APP: variants seen among roughly 807,000 people sequenced by gnomAD.
APP encodes the protein amyloid-beta precursor protein.
A neutral mutation model predicts 101.4 loss-of-function variants in APP; 31 were observed. The ratio of observed to expected loss-of-function variants is 0.31; its 90% CI spans 0.23 to 0.41. APP has a LOEUF of 0.41. Ranked by LOEUF, APP falls within the 10% of genes least tolerant of loss-of-function variation. The pLI is 1.00. For synonymous variants in APP, 366 were observed against 364.4 expected (o/e 1.00, Z -0.05); for missense variants, 839 against 1,003.7 (o/e 0.84, Z 2.22).
At chr21:26,020,563 A>C (rs2044292936) in intron 6 of APP, among the ~76,000 whole-genome samples, 2 of 152,204 alleles carry the variant, frequency 1.3e-5, no homozygotes, top group Non-Finnish European at 2.9e-5. Flanking sequence ...GAAATCATTA[A>C]ACTTTAGCAA....
intron 6 of APP, among the ~76,000 whole-genome samples, chr21:26,019,819 T>TA (rs1210630564): frequency 7.9e-5 from 12 of 152,256 alleles, no homozygotes; most frequent in Non-Finnish European, 1.6e-4. Flanking sequence ...CCTTCCCTGC[T>TA]ACAGGCATCA....
chr21:26,163,065 T>TA (rs140862192), intron 1 of APP, among the ~76,000 whole-genome samples: 46,345 of 123,210 alleles, frequency 0.38, 8,586 homozygotes, highest in African/African-American at 0.52. Context: ...CTGTCTCTAC[T>TA]AAAAAAAAAA....
intron 5 of APP, among the ~76,000 whole-genome samples, chr21:26,023,162 T>C (rs932697825): frequency 1.3e-5 from 2 of 152,202 alleles, no homozygotes; most frequent in Non-Finnish European, 2.9e-5. Flanking sequence ...TTATGTTTTG[T>C]AGAAAACCAA....
intron 2 of APP, among the ~76,000 whole-genome samples, chr21:26,106,691 C>G (rs1443946088): frequency 1.3e-5 from 2 of 152,204 alleles, no homozygotes; most frequent in Non-Finnish European, 2.9e-5. Context: ...GGATGGGTAT[C>G]AGTCCTTCCC....
At chr21:26,106,865 A>T (rs1199239391) in intron 2 of APP, among the ~76,000 whole-genome samples, 1 of 152,196 alleles carries the variant, frequency 6.6e-6, no homozygotes, top group Non-Finnish European at 1.5e-5. Flanking sequence ...TTTTTCCTGC[A>T]ATGGACTACA....
intron 6 of APP, among the ~76,000 whole-genome samples, chr21:26,021,042 A>G (rs1192815489): frequency 7.1e-6 from 1 of 141,028 alleles, no homozygotes; most frequent in Non-Finnish European, 1.5e-5. Flanking sequence ...GATACTCACC[A>G]AATCTTTTTT....
chr21:26,103,399 A>G (rs1380548535), intron 2 of APP, among the ~76,000 whole-genome samples: 1 of 152,108 alleles, frequency 6.6e-6, no homozygotes, highest in Non-Finnish European at 1.5e-5. Flanking sequence ...ACTAGAGTTC[A>G]AGACCAGCCT....
At chr21:25,925,340 C>A (rs551042505) in intron 13 of APP, among the ~76,000 whole-genome samples, 1 of 152,318 alleles carries the variant, frequency 6.6e-6, no homozygotes, top group South Asian at 2.1e-4. Context: ...CCCCAAGGCT[C>A]GGGTTCGTCA....
At chr21:26,163,957 T>C (rs1415563004) in intron 1 of APP, among the ~76,000 whole-genome samples, 1 of 152,210 alleles carries the variant, frequency 6.6e-6, no homozygotes, top group Non-Finnish European at 1.5e-5. Context: ...ACAAATTCAC[T>C]TTACTGCAGC....
chr21:25,987,364 G>A (rs1202430152), intron 8 of APP, among the ~76,000 whole-genome samples: 2 of 152,164 alleles, frequency 1.3e-5, no homozygotes, highest in Admixed American at 6.5e-5. Flanking sequence ...ACAAAACACA[G>A]GGTTCAATAT....
At position 25,910,418 on chromosome 21, in the gene APP, C is replaced by T. The variant is rs754333823; in HGVS notation, c.1909+1323G>A. On this transcript the variant is annotated intron_variant, in intron 14 of 17. Transcript: ENST00000346798. Reference sequence around the variant, plus strand: ...GTCCTGCGATTACAGGCGTGACCCACGATGCCTGGCCTATAAGGTATATTA... The same window carrying T: ...GTCCTGCGATTACAGGCGTGACCCATGATGCCTGGCCTATAAGGTATATTA... 3.9e-5 allele frequency among the ~76,000 whole-genome samples: 6 copies of T among 152,298 alleles called. No individual in the cohort carries two copies. The East Asian group carries it at 7.7e-4, about 20-fold the overall frequency.
intron 6 of APP, among the ~76,000 whole-genome samples, chr21:26,001,552 C>T (rs577898827): frequency 3.5e-4 from 54 of 152,260 alleles, no homozygotes; most frequent in African/African-American, 1.3e-3. Context: ...GCACTGCCGC[C>T]CAGTGGCACA....
chr21:26,029,928 C>T (rs1424540940), intron 5 of APP, among the ~76,000 whole-genome samples: 3 of 152,124 alleles, frequency 2.0e-5, no homozygotes, highest in Admixed American at 6.5e-5. Flanking sequence ...AAACCCTGCC[C>T]CACTTACGTT....
intron 2 of APP, among the ~76,000 whole-genome samples, chr21:26,100,069 G>A (rs2062023551): frequency 6.6e-6 from 1 of 152,146 alleles, no homozygotes; most frequent in Non-Finnish European, 1.5e-5. Context: ...GGGTGGGAGG[G>A]AAGAGATGGG....
intron 1 of APP, among the ~76,000 whole-genome samples, chr21:26,159,479 G>A (rs1471761435): frequency 6.6e-6 from 1 of 152,176 alleles, no homozygotes; most frequent in Non-Finnish European, 1.5e-5. Flanking sequence ...AGACATAAAA[G>A]GGGAATGCAC....
chr21:25,890,536 T>G (rs1349823595), intron 17 of APP, among the ~76,000 whole-genome samples: 1 of 151,506 alleles, frequency 6.6e-6, no homozygotes, highest in Non-Finnish European at 1.5e-5. Context: ...AGGTCAGGAG[T>G]TCGAGACCAG....
chr21:26,010,095 A>G (rs2043723553), intron 6 of APP, among the ~76,000 whole-genome samples: 1 of 152,124 alleles, frequency 6.6e-6, no homozygotes, highest in African/African-American at 2.4e-5. Context: ...AATCTCTAGC[A>G]GGCAAAGAAC....
chr21:25,958,436 T>C (rs773437866), intron 11 of APP, among the ~76,000 whole-genome samples: 5 of 152,040 alleles, frequency 3.3e-5, no homozygotes, highest in African/African-American at 4.8e-5. Flanking sequence ...GCCACCATGC[T>C]CAGCTAATTT....
chr21:26,142,770 A>G (rs899856241), intron 1 of APP, among the ~76,000 whole-genome samples: 1 of 151,180 alleles, frequency 6.6e-6, no homozygotes, highest in Admixed American at 6.7e-5. Context: ...TCCTGTCTCA[A>G]AAAAAAAGTA....
Sources: allele counts gnomAD v4.1 joint callset (sites outside exome capture counted in the v4.1 genomes callset), GRCh38; gene constraint gnomAD v4.1.1; transcripts MANE v1.5; gene names NCBI Gene and HGNC (gene_info 2026-07-23, HGNC 2026-07-21).